Variants in PKHD1 observed in about 807,000 individuals in gnomAD.
PKHD1 encodes PKHD1 ciliary IPT domain containing fibrocystin/polyductin.
PKHD1 carries 291 observed loss-of-function variants against 412.0 expected under a neutral mutation model. The observed-to-expected ratio is 0.71, with a 90% confidence interval of 0.64 to 0.78. The LOEUF is 0.78. PKHD1 is among the 30% of genes least tolerant of loss of function. The pLI, the probability that PKHD1 is intolerant of heterozygous loss-of-function variation, is 0.00. For missense variants in PKHD1, 4,825 were observed against 4,950.7 expected, an observed-to-expected ratio of 0.97 and a Z score of 0.76; for synonymous variants, 1,777 against 1,821.5, an observed-to-expected ratio of 0.98 and a Z score of 0.62.
chr6:51,780,399 A>G (rs562185448), intron 53 of PKHD1, among the ~76,000 whole-genome samples: 88 of 152,168 alleles, frequency 5.8e-4, no homozygotes, highest in African/African-American at 1.9e-3. Context: ...AGAAAAAAAA[A>G]AAAGAAAGTA....
intron 36 of PKHD1, among the ~76,000 whole-genome samples, chr6:51,958,836 CACAA>C (rs1373581200): frequency 1.1e-3 from 169 of 151,728 alleles, no homozygotes; most frequent in African/African-American, 3.9e-3. Context: ...CACACACACA[CACAA>C]ACACACACAC....
Position 51,619,330 on chromosome 6 carries a change from G to A in PKHD1, c.11976C>T (p.Tyr3992=), listed in dbSNP as rs1766321947. The change falls in exon 67 of 67, where the codon TAC becomes TAT. Residue 3992 remains tyrosine (Y), a synonymous_variant. Coordinates refer to ENST00000371117, the MANE Select transcript of PKHD1 (RefSeq NM_138694.4). ...CCTTCCAGTTCCCAGTCTCTTGCAG[G>A]TACACCTGCTGAGCAGGAGCACCTG... The part of the protein sequence containing the change: ...CAPGAPAQQV[Y]LQETGNWKEG... 5 of 1,614,214 alleles carry A rather than the reference G, an allele frequency of 3.1e-6. No homozygotes were observed. In the South Asian group the frequency reaches 3.3e-5, roughly 11 times the overall value.
At chr6:51,806,220 T>C (rs1051414723) in intron 52 of PKHD1, among the ~76,000 whole-genome samples, 1 of 94,646 alleles carries the variant, frequency 1.1e-5, no homozygotes. Context: ...ACTTAAAGTA[T>C]AATAAAAAAA....
Position 51,774,236 on chromosome 6 carries a change from A to G in PKHD1, c.8555-1447T>C, listed in dbSNP as rs777037934. ...TTCTTAGTTGTTTCAAGAAGATTAC[A>G]AATGATTTAATACGATTAAAATTTG... On this transcript the variant is annotated intron_variant, in intron 54 of 66. Transcript: ENST00000371117. Among the ~76,000 whole-genome samples, 6 of 152,074 alleles carry G rather than the reference A, an allele frequency of 3.9e-5. No homozygotes were observed. The South Asian group carries it at 8.3e-4, about 21-fold the overall frequency.
chr6:51,697,900 T>C (rs1234773853), intron 60 of PKHD1, among the ~76,000 whole-genome samples: 1 of 152,212 alleles, frequency 6.6e-6, no homozygotes, highest in African/African-American at 2.4e-5. Context: ...CATTAAGAAG[T>C]TGTAAACACT....
intron 53 of PKHD1, among the ~76,000 whole-genome samples, chr6:51,787,096 C>T (rs956782787): frequency 6.6e-6 from 1 of 152,180 alleles, no homozygotes; most frequent in Non-Finnish European, 1.5e-5. Flanking sequence ...CATGGTGGCT[C>T]ATGCCTATAA....
chr6:51,934,025 A>G, intron 37 of PKHD1, 85 bp downstream of exon 37: 3 of 1,035,948 alleles, frequency 2.9e-6, no homozygotes, highest in Non-Finnish European at 4.6e-6. Context: ...CAGCAACTAT[A>G]GTCAAGGACT....
chr6:51,934,691 TAGA>T (rs10601990), intron 36 of PKHD1, among the ~76,000 whole-genome samples: 43,416 of 151,700 alleles, frequency 0.29, 6,614 homozygotes, highest in African/African-American at 0.34. Context: ...GAAATAGGGC[TAGA>T]AGAAGATGTG....
rs1004950294 is a variant in PKHD1 at position 52,043,204 on chromosome 6, C to T, written c.2822-70G>A. ...AGTGATATTACTTCATTTGAGAGACCTCTCACTATCATCAAATGTTCCTTC... is the reference window on the plus strand; with the variant it reads ...AGTGATATTACTTCATTTGAGAGACTTCTCACTATCATCAAATGTTCCTTC... On this transcript the variant is annotated intron_variant, in intron 26 of 66. Transcript: ENST00000371117. 6 of 1,213,356 alleles carry T rather than the reference C, an allele frequency of 4.9e-6. No homozygotes were observed. The East Asian group carries it at 7.6e-5, about 15-fold the overall frequency. The allele number at this position is 1,213,356 out of a possible 1,614,324, so 75.2% of individuals were successfully genotyped here.
intron 35 of PKHD1, among the ~76,000 whole-genome samples, chr6:51,962,559 T>G (rs568825536): frequency 2.0e-5 from 3 of 152,210 alleles, no homozygotes; most frequent in East Asian, 3.9e-4. Context: ...GGTGGAAAGG[T>G]CAAATACTGT....
At chr6:51,986,676 T>C (rs1050281338) in intron 35 of PKHD1, among the ~76,000 whole-genome samples, 27 of 152,242 alleles carry the variant, frequency 1.8e-4, no homozygotes, top group African/African-American at 6.5e-4. Context: ...TAGAAGTTAA[T>C]ATCAAAAATA....
chr6:51,859,287 G>C (rs1773798404), intron 48 of PKHD1, among the ~76,000 whole-genome samples: 1 of 151,952 alleles, frequency 6.6e-6, no homozygotes, highest in South Asian at 2.1e-4. Context: ...AGCACTTTGG[G>C]ACGCCGAGGC....
At chr6:51,774,783 G>A (rs1010388785) in intron 54 of PKHD1, among the ~76,000 whole-genome samples, 1 of 151,644 alleles carries the variant, frequency 6.6e-6, no homozygotes, top group Non-Finnish European at 1.5e-5. Context: ...AGAAATGATG[G>A]TCCTTGCTCT....
chr6:51,695,636 C>A (rs571856010), intron 60 of PKHD1, among the ~76,000 whole-genome samples: 2 of 152,128 alleles, frequency 1.3e-5, no homozygotes, highest in African/African-American at 2.4e-5. Context: ...AAAACTGATA[C>A]TCTTGACACT....
chr6:51,847,582 ATG>A (rs1311482788), intron 50 of PKHD1, among the ~76,000 whole-genome samples, 191 bp downstream of exon 50: 1 of 152,130 alleles, frequency 6.6e-6, no homozygotes, highest in Non-Finnish European at 1.5e-5. Flanking sequence ...GGCTCTGTGT[ATG>A]CTAGCTGGTG....
intron 53 of PKHD1, 150 bp downstream of exon 53, chr6:51,791,086 G>T: frequency 1.3e-6 from 1 of 783,144 alleles, no homozygotes; most frequent in Non-Finnish European, 2.2e-6. Flanking sequence ...AAAGCTTGCC[G>T]AAGAGCAACT....
intron 36 of PKHD1, among the ~76,000 whole-genome samples, chr6:51,938,269 A>G (rs949767431): frequency 4.6e-5 from 7 of 152,364 alleles, no homozygotes; most frequent in South Asian, 2.1e-4. Context: ...AAGCTAAGCC[A>G]TCATATCCCC....
intron 35 of PKHD1, among the ~76,000 whole-genome samples, chr6:51,973,574 T>C (rs2435327): frequency 0.55 from 83,783 of 151,974 alleles, 23,622 homozygotes; most frequent in Admixed American, 0.64. Context: ...AAGACCCTCA[T>C]GAAACAAGAC....
chr6:52,082,644 T>C, intron 3 of PKHD1, 102 bp from the exon 4 acceptor site: 1 of 1,150,458 alleles, frequency 8.7e-7, no homozygotes, highest in Non-Finnish European at 1.3e-6. Flanking sequence ...GACATTAAAT[T>C]TGCCCAAGGA....
Sources: gnomAD v4.1 joint callset for allele counts (sites outside exome capture counted in the v4.1 genomes callset) on GRCh38, gnomAD v4.1.1 for gene constraint, MANE v1.5 for transcripts, NCBI Gene and HGNC (gene_info 2026-07-23, HGNC 2026-07-21) for gene names.